Variants in ZBTB20 observed in about 807,000 individuals in gnomAD.
ZBTB20 encodes the protein zinc finger and BTB domain-containing protein 20.
ZBTB20 carries 9 observed loss-of-function variants against 56.9 expected under a neutral mutation model. The observed-to-expected ratio is 0.16, with a 90% CI of 0.10 to 0.28. The LOEUF (loss-of-function observed/expected upper bound fraction) is 0.28. ZBTB20 is among the 10% of genes least tolerant of loss of function. The pLI is 1.00. For synonymous variants in ZBTB20, 417 were observed against 420.7 expected, an observed-to-expected ratio of 0.99 and a Z score of 0.11; for missense variants, 655 against 1,003.0, an observed-to-expected ratio of 0.65 and a Z score of 4.69.
intron 6 of ZBTB20, among the ~76,000 whole-genome samples, chr3:114,621,007 T>A (rs76799269): frequency 6.6e-6 from 1 of 152,198 alleles, no homozygotes; most frequent in Non-Finnish European, 1.5e-5. Flanking sequence ...GTAAAATAGC[T>A]GAGAAACTAA....
chr3:115,088,034 A>C (rs2083052090), intron 1 of ZBTB20, among the ~76,000 whole-genome samples: 1 of 151,878 alleles, frequency 6.6e-6, no homozygotes, highest in Admixed American at 6.6e-5. Context: ...TCTCAGGAAA[A>C]TGGAGAACTG....
At position 114,501,624 on chromosome 3, in the gene ZBTB20, CA is replaced by C. The variant is rs553940453; in HGVS notation, c.-294-1234del. On this transcript the variant is annotated intron_variant, in intron 6 of 11. Coordinates refer to ENST00000675478, the MANE Select transcript of ZBTB20 (RefSeq NM_001348800.3). ...CTGGGTGACAAGAGCAAAACTCCGTCAAAAAAAAAAAAATCACAGGCCAAAA... is the reference window on the plus strand; with the variant it reads ...CTGGGTGACAAGAGCAAAACTCCGTCAAAAAAAAAAAATCACAGGCCAAAA... Among the ~76,000 whole-genome samples the C allele has an allele frequency of 6.9e-3, 253 of 36,514 alleles. 2 individuals carry two copies. Among genetic ancestry groups the C allele is most frequent in the African/African-American group, 0.015 (196 of 13,146 alleles). The allele number at this position is 36,514 out of a possible 152,430, so 24.0% of individuals were successfully genotyped here. A position where few individuals can be genotyped will look rare whatever the true frequency, so the allele number is the denominator to read the frequency against.
intron 10 of ZBTB20, among the ~76,000 whole-genome samples, chr3:114,361,155 C>T (rs2081835295): frequency 6.6e-6 from 1 of 152,160 alleles, no homozygotes. Flanking sequence ...TTTCACTTCA[C>T]TGATTTGGTT....
chr3:114,991,926 C>T lies in ZBTB20; in HGVS notation c.-506-17510G>A, dbSNP rs575555296. On this transcript the variant is annotated intron_variant, in intron 2 of 11. Coordinates refer to ENST00000675478, the MANE Select transcript of ZBTB20 (RefSeq NM_001348800.3). Reference sequence around the variant, plus strand: ...GTTTTATCAGAGACTAGGATTGCAACCACTGCCTTTTTTTGTTTTCCATTT... The same window carrying T: ...GTTTTATCAGAGACTAGGATTGCAATCACTGCCTTTTTTTGTTTTCCATTT... 2.6e-5 allele frequency among the ~76,000 whole-genome samples: 4 copies of T among 152,170 alleles called. No homozygotes were observed. In the South Asian group the frequency reaches 8.3e-4, roughly 32 times the overall value.
At chr3:114,392,560 G>A (rs1105821) in intron 7 of ZBTB20, among the ~76,000 whole-genome samples, 135,785 of 152,258 alleles carry the variant, frequency 0.89, 61,184 homozygotes, top group South Asian at 0.97. Flanking sequence ...CAGTAATTCC[G>A]TGGTTAAATT....
chr3:115,009,352 T>G (rs1398173962), intron 2 of ZBTB20, among the ~76,000 whole-genome samples: 1 of 151,926 alleles, frequency 6.6e-6, no homozygotes, highest in Non-Finnish European at 1.5e-5. Flanking sequence ...ATTCCAGGAC[T>G]AAAATTTTGC....
intron 7 of ZBTB20, among the ~76,000 whole-genome samples, chr3:114,499,691 T>C (rs2043713442): frequency 6.6e-6 from 1 of 152,222 alleles, no homozygotes; most frequent in African/African-American, 2.4e-5. Context: ...GGTTTGAATT[T>C]TAAATAATGA....
At chr3:114,399,345 T>G (rs2108685495) in intron 7 of ZBTB20, among the ~76,000 whole-genome samples, 1 of 152,276 alleles carries the variant, frequency 6.6e-6, no homozygotes, top group African/African-American at 2.4e-5. Flanking sequence ...ATTTTATAAA[T>G]AAGAATGTTT....
At chr3:114,763,804 A>AC (rs1455736045) in intron 5 of ZBTB20, among the ~76,000 whole-genome samples, 1 of 152,166 alleles carries the variant, frequency 6.6e-6, no homozygotes, top group Non-Finnish European at 1.5e-5. Context: ...ATCACATTGT[A>AC]CCCCATAAAA....
chr3:114,814,205 CT>C (rs1335700001), intron 4 of ZBTB20, among the ~76,000 whole-genome samples: 3 of 150,600 alleles, frequency 2.0e-5, no homozygotes, highest in African/African-American at 7.3e-5. Flanking sequence ...TGTTTTTCCA[CT>C]GTTTACCCAT....
intron 3 of ZBTB20, among the ~76,000 whole-genome samples, chr3:114,912,731 A>C (rs1402731579): frequency 6.6e-6 from 1 of 151,802 alleles, no homozygotes; most frequent in East Asian, 1.9e-4. Context: ...TGTACTCATT[A>C]ACCATCCCCA....
At chr3:114,590,556 TAAA>T (rs547478465) in intron 6 of ZBTB20, among the ~76,000 whole-genome samples, 459 of 149,990 alleles carry the variant, frequency 3.1e-3, no homozygotes, top group Admixed American at 8.9e-3. Flanking sequence ...AATAAATAAA[TAAA>T]AATTTCAGCA....
intron 6 of ZBTB20, among the ~76,000 whole-genome samples, chr3:114,669,810 C>A (rs573166118): frequency 6.6e-6 from 1 of 152,112 alleles, no homozygotes; most frequent in South Asian, 2.1e-4. Flanking sequence ...CTAAGAGTTG[C>A]AGAACCATTT....
At chr3:114,465,299 C>A (rs921383266) in intron 7 of ZBTB20, among the ~76,000 whole-genome samples, 3 of 152,202 alleles carry the variant, frequency 2.0e-5, no homozygotes, top group East Asian at 3.9e-4. Context: ...AATTTGAAAT[C>A]ATTAGCTTGT....
intron 2 of ZBTB20, among the ~76,000 whole-genome samples, chr3:114,984,209 GC>G (rs1294680258): frequency 2.0e-5 from 3 of 151,930 alleles, no homozygotes; most frequent in Admixed American, 6.6e-5. Flanking sequence ...ATTGAGCCTG[GC>G]CCATTCCCAG....
intron 4 of ZBTB20, among the ~76,000 whole-genome samples, chr3:114,847,287 GAAA>G (rs11306268): frequency 6.9e-6 from 1 of 145,722 alleles, no homozygotes; most frequent in East Asian, 2.0e-4. Flanking sequence ...TGGTTCATGA[GAAA>G]AAAAAAAAAA....
intron 5 of ZBTB20, among the ~76,000 whole-genome samples, chr3:114,763,422 T>C (rs1213385632): frequency 6.6e-6 from 1 of 152,218 alleles, no homozygotes; most frequent in Non-Finnish European, 1.5e-5. Flanking sequence ...GTTTACTTTT[T>C]ATCTATGATA....
chr3:114,968,652 C>T (rs1168199687), intron 3 of ZBTB20, among the ~76,000 whole-genome samples: 1 of 152,164 alleles, frequency 6.6e-6, no homozygotes, highest in African/African-American at 2.4e-5. Flanking sequence ...ACTTCGGTCA[C>T]CTCCTCTTTT....
At chr3:114,843,158 A>G (rs2074464013) in intron 4 of ZBTB20, among the ~76,000 whole-genome samples, 1 of 152,158 alleles carries the variant, frequency 6.6e-6, no homozygotes, top group Non-Finnish European at 1.5e-5. Context: ...CTGTGAGTCA[A>G]TTAAGCCTCT....
Sources: allele counts gnomAD v4.1 joint callset (sites outside exome capture counted in the v4.1 genomes callset), GRCh38; gene constraint gnomAD v4.1.1; transcripts MANE v1.5; gene names NCBI Gene and HGNC (gene_info 2026-07-23, HGNC 2026-07-21).